DNA2: variants seen among roughly 807,000 people sequenced by gnomAD.
The protein encoded by DNA2 is DNA replication ATP-dependent helicase/nuclease DNA2.
DNA2 carries 101 observed loss-of-function variants against 119.1 expected under a neutral mutation model. The observed-to-expected ratio is 0.85, with a 90% CI of 0.72 to 1.00. The LOEUF (loss-of-function observed/expected upper bound fraction) is 1.00, where lower values mean the gene tolerates loss of function less well. Ranked by LOEUF, DNA2 falls within the 50% of genes least tolerant of loss-of-function variation. The pLI, the probability that DNA2 is intolerant of heterozygous loss-of-function variation, is 0.00. For synonymous variants in DNA2, 366 were observed against 424.4 expected (o/e 0.86, Z 1.69); for missense variants, 1,121 against 1,255.5 (o/e 0.89, Z 1.62).
intron 1 of DNA2, 81 bp from the exon 2 acceptor site, chr10:68,470,244 C>T: frequency 8.0e-7 from 1 of 1,247,810 alleles, no homozygotes; most frequent in Non-Finnish European, 1.1e-6. Context: ...ACAAACCAAT[C>T]TTCCAGTTTT....
At chr10:68,452,827 T>C (rs531613638) in intron 5 of DNA2, among the ~76,000 whole-genome samples, 29 of 142,756 alleles carry the variant, frequency 2.0e-4, no homozygotes, top group African/African-American at 7.4e-4. Context: ...CAAGCAATCC[T>C]CCTGCTTTCG....
chr10:68,472,411 G>A (rs982541959), upstream of DNA2, among the ~76,000 whole-genome samples: 4 of 152,134 alleles, frequency 2.6e-5, no homozygotes, highest in African/African-American at 9.7e-5. Flanking sequence ...CTGTCGGATA[G>A]GAACTCCTTG....
At chr10:68,442,835 T>C in intron 9 of DNA2, 82 bp downstream of exon 9, 7 of 1,157,804 alleles carry the variant, frequency 6.0e-6, no homozygotes, top group Non-Finnish European at 8.5e-6. Flanking sequence ...CTTCATAACT[T>C]GTATTTGTCA....
chr10:68,443,329 G>A (rs887476999), intron 8 of DNA2, among the ~76,000 whole-genome samples: 15 of 152,076 alleles, frequency 9.9e-5, no homozygotes, highest in Admixed American at 3.9e-4. Flanking sequence ...TGCCTTCAGC[G>A]ACTATCCCCC....
At chr10:68,419,607 C>T (rs1053164446) in intron 18 of DNA2, among the ~76,000 whole-genome samples, 196 bp downstream of exon 18, 3 of 152,082 alleles carry the variant, frequency 2.0e-5, no homozygotes, top group Admixed American at 6.6e-5. Flanking sequence ...AAGTTATTAT[C>T]GTAAATGAAA....
intron 20 of DNA2, among the ~76,000 whole-genome samples, chr10:68,415,969 C>A (rs548480841): frequency 6.6e-6 from 1 of 152,102 alleles, no homozygotes; most frequent in Admixed American, 6.6e-5. Flanking sequence ...TTTTAAAAAA[C>A]GATTTATCTT....
rs770432837 is a variant in DNA2, at chr10:68,415,066, G to A, written c.3156C>T (p.His1052=). 1 of 1,581,348 alleles carries A rather than the reference G, an allele frequency of 6.3e-7. No individual in the cohort carries two copies. Among genetic ancestry groups the A allele is most frequent in the East Asian group, 2.3e-5 (1 of 44,110 alleles). Residue 1052 remains histidine, a synonymous_variant, in exon 21 of 21, where the codon CAC becomes CAT. Coordinates refer to ENST00000358410, the MANE Select transcript of DNA2 (RefSeq NM_001080449.3). ...LPSREHESLC[H]ILGDFQRE ...ATTCTCTTTGAAAGTCACCCAATAT[G>A]TGGCAAAGACTTTCATGTTCTCTTG...
chr10:68,421,868 G>A (rs980080363), intron 17 of DNA2, among the ~76,000 whole-genome samples: 3 of 152,036 alleles, frequency 2.0e-5, no homozygotes. Context: ...AGGCTGGAGT[G>A]CAGCAGTGTG....
At chr10:68,462,727 T>C (rs1010208091) in intron 4 of DNA2, among the ~76,000 whole-genome samples, 8 of 152,174 alleles carry the variant, frequency 5.3e-5, no homozygotes, top group African/African-American at 1.9e-4. Flanking sequence ...CACGGTTAAT[T>C]AAGCCTGTTT....
chr10:68,453,274 ATG>A (rs1288628807), intron 5 of DNA2, among the ~76,000 whole-genome samples: 1 of 152,206 alleles, frequency 6.6e-6, no homozygotes, highest in Non-Finnish European at 1.5e-5. Flanking sequence ...AAAATTTGGT[ATG>A]TAACCACCTT....
chr10:68,424,983 A>G, intron 14 of DNA2: 1 of 594,406 alleles, frequency 1.7e-6, no homozygotes, highest in Admixed American at 2.4e-5. Context: ...ACTTATTGAG[A>G]AAATGCAGGA....
chr10:68,444,447 G>A (rs1306116774), intron 8 of DNA2, among the ~76,000 whole-genome samples: 2 of 151,858 alleles, frequency 1.3e-5, no homozygotes, highest in Admixed American at 1.3e-4. Context: ...AAAATTAGCT[G>A]GGCGCGGTGG....
At chr10:68,471,694 G>T in intron 1 of DNA2, 97 bp downstream of exon 1, 1 of 1,411,152 alleles carries the variant, frequency 7.1e-7, no homozygotes, top group Non-Finnish European at 9.3e-7. Context: ...CCTGGGCCCC[G>T]GGCCCGGTCA....
Position 68,437,474 on chromosome 10 carries a change from T to TAAAA in DNA2, c.1416-237_1416-234dup, listed in dbSNP as rs764493127. ...AACATGGTGAAAACCCTATCTCTAC[T>TAAAA]AAAAAAAAAAAAATAAAAATAAAAA... On this transcript the variant is annotated intron_variant, in intron 9 of 20. Transcript: ENST00000358410. Among the ~76,000 whole-genome samples the TAAAA allele has an allele frequency of 1.1e-3, 152 of 140,668 alleles. 1 individual carries two copies. The highest frequency in any genetic ancestry group is 4.0e-3 in the African/African-American group (142 of 35,532). The allele number at this position is 140,668 out of a possible 152,430, so 92.3% of individuals were successfully genotyped here. A position where few individuals can be genotyped will look rare whatever the true frequency, so the allele number is the denominator to read the frequency against.
At chr10:68,426,555 G>C (rs1195843185) in intron 14 of DNA2, among the ~76,000 whole-genome samples, 1 of 148,866 alleles carries the variant, frequency 6.7e-6, no homozygotes, top group Non-Finnish European at 1.5e-5. Flanking sequence ...AAATAAATAG[G>C]CCGGGCGTGG....
At position 68,416,557 on chromosome 10, in the gene DNA2, C is replaced by T. The variant is rs945524292; in HGVS notation, c.3114+152G>A. 1.2e-5 allele frequency: 8 copies of T among 683,174 alleles called. No homozygotes were observed. The Admixed American group carries it at 1.9e-4, about 16-fold the overall frequency. The allele number at this position is 683,174 out of a possible 1,614,324, so 42.3% of individuals were successfully genotyped here. ...GGGCCGTGGCTCACATCTGTAATCA[C>T]AGCACTTTGGGAGGCCTACACAGGA... is the stretch of plus-strand genomic sequence containing the variant. On this transcript the variant is annotated intron_variant, in intron 20 of 20. Transcript: ENST00000358410.
intron 5 of DNA2, among the ~76,000 whole-genome samples, chr10:68,458,459 G>A (rs1049126905): frequency 1.9e-4 from 29 of 151,138 alleles, no homozygotes; most frequent in African/African-American, 5.6e-4. Context: ...CTTGAACCCC[G>A]GGAGGCGGAG....
Position 68,470,070 on chromosome 10 carries a change from C to G in DNA2, c.168G>C (p.Gln56His), listed in dbSNP as rs757305353. The change falls in exon 2 of 21, where the codon CAG (glutamine) becomes CAC (histidine). Residue 56 changes from glutamine (Q) to histidine (H), a missense_variant. Gln to His is a conservative substitution (Grantham distance 24, BLOSUM62 0). Coordinates refer to ENST00000358410, the MANE Select transcript of DNA2 (RefSeq NM_001080449.3). The stretch of plus-strand genomic sequence containing the variant: ...GCTTTTCACAGTTTCCCTCTTTGTT[C>G]TGTACAGTATTGACTGCCAACACCA... ...RYLVLAVNTV[Q>H]NKEGNCEKRL... The G allele has an allele frequency of 6.2e-7, 1 of 1,613,910 alleles. No homozygotes were observed. The highest frequency in any genetic ancestry group is 8.5e-7 in the Non-Finnish European group (1 of 1,179,876).
At position 68,417,712 on chromosome 10, in the gene DNA2, G is replaced by C. The variant is rs528314995; in HGVS notation, c.2968-857C>G. ...TATAAATTTGAAAGTATACAAGGAA[G>C]ATTTTATATTAAACAGGCCTCAATT... On this transcript the variant is annotated intron_variant, in intron 19 of 20. Transcript: ENST00000358410. Among the ~76,000 whole-genome samples, 4 of 151,038 alleles carry C rather than the reference G, an allele frequency of 2.6e-5. No individual in the cohort carries two copies. In the East Asian group the frequency reaches 7.8e-4, roughly 29 times the overall value.
Sources: gnomAD v4.1 joint callset for allele counts (sites outside exome capture counted in the v4.1 genomes callset) on GRCh38, gnomAD v4.1.1 for gene constraint, MANE v1.5 for transcripts, NCBI Gene and HGNC (gene_info 2026-07-23, HGNC 2026-07-21) for gene names.